The following VAV2 variants were observed in gnomAD, a reference collection of about 807,000 sequenced individuals.
The protein encoded by VAV2 is vav guanine nucleotide exchange factor 2, also known as guanine nucleotide exchange factor VAV2.
Under a neutral mutation model 132.5 loss-of-function variants are expected in VAV2, and 67 were observed. That is an observed-to-expected ratio of 0.51 (90% CI 0.42 to 0.62). The LOEUF (loss-of-function observed/expected upper bound fraction) is 0.62, where lower values mean the gene tolerates loss of function less well. VAV2 is among the 20% of genes least tolerant of loss of function. The probability of loss-of-function intolerance (pLI) is 0.00; values close to 1 mark genes in which losing one functional copy is unlikely to be tolerated. For synonymous variants in VAV2, 492 were observed against 443.5 expected (o/e 1.11, Z -1.37); for missense variants, 938 against 1,153.6 (o/e 0.81, Z 2.71).
At position 133,884,584 on chromosome 9, in the gene VAV2, T is replaced by C. The variant is rs1391392063; in HGVS notation, c.322-23152A>G. Among the ~76,000 whole-genome samples, 3 of 152,214 alleles carry C rather than the reference T, an allele frequency of 2.0e-5. No individual in the cohort carries two copies. Among genetic ancestry groups the C allele is most frequent in the Non-Finnish European group, 1.5e-5 (1 of 68,032 alleles). On this transcript the variant is annotated intron_variant, in intron 2 of 29. Coordinates refer to ENST00000371850, the MANE Select transcript of VAV2 (RefSeq NM_001134398.2). The surrounding 1 kb of genome is among the most constrained non-coding windows in gnomAD (Gnocchi z 5.3). ...CCCAGGCTGGTTCCCAGGCTGTTACTTTATGGAACATCAGCAAGCTGACCG... is the reference window on the plus strand; with the variant it reads ...CCCAGGCTGGTTCCCAGGCTGTTACCTTATGGAACATCAGCAAGCTGACCG...
At chr9:133,812,863 A>T (rs1486538380) in intron 4 of VAV2, among the ~76,000 whole-genome samples, 1 of 151,884 alleles carries the variant, frequency 6.6e-6, no homozygotes, top group East Asian at 1.9e-4. Context: ...CTCACGGGCC[A>T]CCTCCTCCAA....
intron 22 of VAV2, among the ~76,000 whole-genome samples, chr9:133,777,862 C>G (rs974063985): frequency 2.6e-5 from 4 of 152,196 alleles, no homozygotes; most frequent in Non-Finnish European, 4.4e-5. Flanking sequence ...TGATAATGAC[C>G]ATGACAAAAT....
chr9:133,975,381 C>T (rs1842472165), intron 1 of VAV2, among the ~76,000 whole-genome samples: 1 of 152,206 alleles, frequency 6.6e-6, no homozygotes, highest in Non-Finnish European at 1.5e-5. Context: ...GGCTTACCTC[C>T]CATCTTGGGG....
rs957758936 is a variant in VAV2 at position 133,857,006 on chromosome 9, T to C, written c.380+4368A>G. ...CACAGAGCAACCCCGCGAGGCAGAG[T>C]CATGCTCCCAGCCTACAGAAGAGAC... is the stretch of plus-strand genomic sequence containing the variant. On this transcript the variant is annotated intron_variant, in intron 3 of 29. Transcript: ENST00000371850. The surrounding 1 kb of genome is among the most constrained non-coding windows in gnomAD (Gnocchi z 4.0). Among the ~76,000 whole-genome samples the C allele has an allele frequency of 6.6e-6, 1 of 151,886 alleles. No homozygotes were observed. Among genetic ancestry groups the C allele is most frequent in the African/African-American group, 2.4e-5 (1 of 41,330 alleles).
In VAV2 at chr9:133,885,105, G is replaced by T. The variant is rs1838650743; in HGVS notation, c.322-23673C>A. On this transcript the variant is annotated intron_variant, in intron 2 of 29. Coordinates refer to ENST00000371850, the MANE Select transcript of VAV2 (RefSeq NM_001134398.2). This position sits in a 1 kb window ranked among gnomAD's most constrained non-coding sequence, Gnocchi z 5.0. ...CCCTTCTGGAGGGTTCTCTCCAGAG[G>T]ACTGGCAAGCACAGCCAATATTCAT... is the stretch of plus-strand genomic sequence containing the variant. 6.6e-6 allele frequency among the ~76,000 whole-genome samples: 1 copy of T among 152,258 alleles called. No individual in the cohort carries two copies. The highest frequency in any genetic ancestry group is 2.4e-5 in the African/African-American group (1 of 41,468).
chr9:133,880,063 GGA>G (rs1170015687), intron 2 of VAV2, among the ~76,000 whole-genome samples: 2 of 152,246 alleles, frequency 1.3e-5, no homozygotes, highest in Admixed American at 1.3e-4. Context: ...TGGAAGTAGA[GGA>G]GAAAGAAGAG....
chr9:133,825,341 C>A (rs916290700), intron 4 of VAV2, among the ~76,000 whole-genome samples: 6 of 152,190 alleles, frequency 3.9e-5, no homozygotes, highest in Admixed American at 3.9e-4. Context: ...CTGTCAACAC[C>A]TCCTCTGGGG....
At position 133,788,123 on chromosome 9, in the gene VAV2, T is replaced by TG. The variant is rs1207800761; in HGVS notation, c.1407+230dup. Among the ~76,000 whole-genome samples the TG allele has an allele frequency of 1.3e-5, 2 of 152,096 alleles. No homozygotes were observed. The highest frequency in any genetic ancestry group is 6.5e-5 in the Admixed American group (1 of 15,268). On this transcript the variant is annotated intron_variant, in intron 15 of 29. Transcript: ENST00000371850. This position sits in a 1 kb window ranked among gnomAD's most constrained non-coding sequence, Gnocchi z 5.3. ...GGGATTCTGGTCTTGCCCACCTTTC[T>TG]GGGGGGCGCTGGGCCCGGCGAGGAG...
chr9:133,977,038 C>T (rs1313585247), intron 1 of VAV2, among the ~76,000 whole-genome samples: 2 of 152,170 alleles, frequency 1.3e-5, no homozygotes, highest in African/African-American at 4.8e-5. Flanking sequence ...CAGAGGGGAG[C>T]GACCACGCAG....
chr9:133,780,100 C>T (rs548448450), intron 20 of VAV2, 161 bp from the exon 21 acceptor site: 354 of 894,952 alleles, frequency 4.0e-4, no homozygotes, highest in Non-Finnish European at 5.6e-4. Context: ...ATGGGACGCC[C>T]CCACCCTGGC....
chr9:133,939,323 A>G, intron 1 of VAV2, 104 bp from the exon 2 acceptor site: 1 of 968,910 alleles, frequency 1.0e-6, no homozygotes, highest in East Asian at 2.4e-5. Flanking sequence ...TCCGTGCGCC[A>G]GCACATCCAA....
Position 133,768,522 on chromosome 9 carries a change from G to A in VAV2, c.2509C>T (p.Leu837=), listed in dbSNP as rs371905656. The A allele has an allele frequency of 2.5e-6, 4 of 1,613,914 alleles. No individual in the cohort carries two copies. In the Admixed American group the frequency reaches 5.0e-5, roughly 20 times the overall value. ...FAARDMRELS[L]REGDVVRIYS... The stretch of plus-strand genomic sequence containing the variant: ...ATCCTCACCACGTCACCCTCCCGCA[G>A]CGAAAGCTCCCTCATATCTCGGGCG... Residue 837 remains leucine (L), a synonymous_variant, in exon 29 of 30, where the codon CTG becomes TTG. Coordinates refer to ENST00000371850, the MANE Select transcript of VAV2 (RefSeq NM_001134398.2). This position sits in a 1 kb window ranked among gnomAD's most constrained non-coding sequence, Gnocchi z 5.3.
chr9:133,769,584 G>T lies in VAV2; in HGVS notation c.2348-81C>A. The T allele has an allele frequency of 6.9e-7, 1 of 1,443,024 alleles. No homozygotes were observed. The highest frequency in any genetic ancestry group is 9.5e-7 in the Non-Finnish European group (1 of 1,055,958). The allele number at this position is 1,443,024 out of a possible 1,614,324, so 89.4% of individuals were successfully genotyped here. On this transcript the variant is annotated intron_variant, in intron 27 of 29. Transcript: ENST00000371850. The surrounding 1 kb of genome is among the most constrained non-coding windows in gnomAD (Gnocchi z 8.1). ...ACGGTGGGCACAGCTACAGGCCGGGGGGCATGGGGTGGGGCAGGCCCTTTG... is the reference window on the plus strand; with the variant it reads ...ACGGTGGGCACAGCTACAGGCCGGGTGGCATGGGGTGGGGCAGGCCCTTTG...
chr9:133,981,181 G>A (rs1170286161), intron 1 of VAV2, among the ~76,000 whole-genome samples: 3 of 152,206 alleles, frequency 2.0e-5, no homozygotes, highest in African/African-American at 7.2e-5. Flanking sequence ...TGGTCCTCAT[G>A]TGAGTATTAA....
At chr9:133,967,004 C>T (rs1045943101) in intron 1 of VAV2, among the ~76,000 whole-genome samples, 3 of 138,540 alleles carry the variant, frequency 2.2e-5, no homozygotes, top group Non-Finnish European at 3.0e-5. Context: ...CACTGCACTC[C>T]AGCCTAGGTG....
At chr9:133,839,602 C>T (rs1342786598) in intron 3 of VAV2, among the ~76,000 whole-genome samples, 1 of 151,740 alleles carries the variant, frequency 6.6e-6, no homozygotes, top group Non-Finnish European at 1.5e-5. Context: ...GGCGCCCACC[C>T]CGACGTCCAG....
chr9:133,897,385 C>A (rs898681698), intron 2 of VAV2, among the ~76,000 whole-genome samples: 1 of 152,146 alleles, frequency 6.6e-6, no homozygotes, highest in African/African-American at 2.4e-5. Flanking sequence ...ACACCCACAG[C>A]CCTGCTCTGC....
At position 133,865,869 on chromosome 9, in the gene VAV2, A is replaced by T. The variant is rs142112802; in HGVS notation, c.322-4437T>A. ...GGAGGGAGCCCCCAGGCTCTGAGAG[A>T]CATAACTATGAGGGCTCTCCTGGTT... is the stretch of plus-strand genomic sequence containing the variant. On this transcript the variant is annotated intron_variant, in intron 2 of 29. Transcript: ENST00000371850. Among the ~76,000 whole-genome samples, 25 of 152,340 alleles carry T rather than the reference A, an allele frequency of 1.6e-4. No individual in the cohort carries two copies. The East Asian group carries it at 4.6e-3, about 28-fold the overall frequency.
intron 4 of VAV2, among the ~76,000 whole-genome samples, chr9:133,815,049 A>G (rs989694996): frequency 5.3e-5 from 8 of 152,102 alleles, no homozygotes. Context: ...CACGAGCTCC[A>G]TCTGGAGCCC....
Sources: gnomAD v4.1 joint callset for allele counts (sites outside exome capture counted in the v4.1 genomes callset) on GRCh38, gnomAD v4.1.1 for gene constraint, Gnocchi (gnomAD v3.1) non-coding constraint, MANE v1.5 for transcripts, NCBI Gene and HGNC (gene_info 2026-07-23, HGNC 2026-07-21) for gene names.